ADRA1B: variants seen among roughly 807,000 people sequenced by gnomAD.
ADRA1B encodes the protein alpha-1B adrenergic receptor.
Under a neutral mutation model 17.9 loss-of-function variants are expected in ADRA1B, and 17 were observed. That is an observed-to-expected ratio of 0.95 (90% CI 0.65 to 1.42). ADRA1B has a LOEUF of 1.42. ADRA1B is among the 40% of genes most tolerant of loss of function. The probability of loss-of-function intolerance (pLI) is 0.00; values close to 1 mark genes in which losing one functional copy is unlikely to be tolerated. For missense variants in ADRA1B, 681 were observed against 722.1 expected (o/e 0.94, Z 0.65); for synonymous variants, 366 against 327.6 (o/e 1.12, Z -1.27).
chr5:159,869,649 A>G (rs986247166), intron 1 of ADRA1B: 1 of 152,228 alleles, frequency 6.6e-6, no homozygotes, highest in African/African-American at 2.4e-5. Flanking sequence ...TTTATTCAAC[A>G]TACATTAGTG....
chr5:159,892,255 T>C (rs888654711), intron 1 of ADRA1B, among the ~76,000 whole-genome samples: 5 of 152,218 alleles, frequency 3.3e-5, no homozygotes, highest in Non-Finnish European at 7.3e-5. Flanking sequence ...ACAACAGCTA[T>C]CCTTTGAAGA....
the ADRA1B span, among the ~76,000 whole-genome samples, chr5:159,982,856 G>A: frequency 6.6e-6 from 1 of 152,112 alleles, no homozygotes; most frequent in Admixed American, 6.5e-5. Context: ...GGATGGGTGG[G>A]GGCAGAAATA....
chr5:159,933,325 A>C (rs893477475), intron 1 of ADRA1B, among the ~76,000 whole-genome samples: 10 of 152,232 alleles, frequency 6.6e-5, no homozygotes, highest in Non-Finnish European at 1.3e-4. Flanking sequence ...ACTGGGATAA[A>C]GTCCACTTTG....
intron 1 of ADRA1B, among the ~76,000 whole-genome samples, chr5:159,875,028 T>C (rs1398357392): frequency 6.6e-6 from 1 of 152,142 alleles, no homozygotes; most frequent in Non-Finnish European, 1.5e-5. Context: ...AGGATGGCAA[T>C]TTCCTGGGAA....
At position 159,971,862 on chromosome 5, in the gene ADRA1B, C is replaced by T; in HGVS notation, c.950-17C>T. On this transcript the variant is annotated splice_polypyrimidine_tract_variant and intron_variant, in intron 1 of 1. Coordinates refer to ENST00000306675, the MANE Select transcript of ADRA1B (RefSeq NM_000679.4). ...TTGCTGTCTTTCTGCCCGTGCCCACCCCCCTCCCCACTGCAGGCTCCTTGT... is the reference window on the plus strand; with the variant it reads ...TTGCTGTCTTTCTGCCCGTGCCCACTCCCCTCCCCACTGCAGGCTCCTTGT... The T allele has an allele frequency of 1.2e-5, 4 of 344,942 alleles. No individual in the cohort carries two copies. Among genetic ancestry groups the T allele is most frequent in the Non-Finnish European group, 1.5e-5 (3 of 199,784 alleles). The allele number at this position is 344,942 out of a possible 1,614,324, so 21.4% of individuals were successfully genotyped here. A position where few individuals can be genotyped will look rare whatever the true frequency, so the allele number is the denominator to read the frequency against.
At chr5:159,881,405 T>C (rs1466723959) in intron 1 of ADRA1B, among the ~76,000 whole-genome samples, 1 of 151,832 alleles carries the variant, frequency 6.6e-6, no homozygotes, top group Non-Finnish European at 1.5e-5. Flanking sequence ...CTTCATTTTG[T>C]GTATCTACTA....
chr5:159,958,791 T>C (rs942092257), intron 1 of ADRA1B, among the ~76,000 whole-genome samples: 4 of 152,330 alleles, frequency 2.6e-5, no homozygotes, highest in African/African-American at 9.6e-5. Context: ...TTTATGACCC[T>C]TTATAAAGTT....
chr5:159,882,606 T>A (rs539080864), intron 1 of ADRA1B, among the ~76,000 whole-genome samples: 1 of 152,162 alleles, frequency 6.6e-6, no homozygotes, highest in Non-Finnish European at 1.5e-5. Flanking sequence ...ACCATCTGTG[T>A]CTTCCACCTG....
intron 1 of ADRA1B, among the ~76,000 whole-genome samples, chr5:159,877,880 G>A (rs996481238): frequency 3.3e-5 from 5 of 152,164 alleles, no homozygotes; most frequent in Non-Finnish European, 7.4e-5. Flanking sequence ...CTCAGTCTAG[G>A]AAGTGATGTT....
intron 1 of ADRA1B, among the ~76,000 whole-genome samples, chr5:159,908,179 G>A (rs182142488): frequency 6.6e-6 from 1 of 152,266 alleles, no homozygotes; most frequent in Admixed American, 6.5e-5. Flanking sequence ...TTTGTGTTGT[G>A]CACACAGCCC....
chr5:159,928,030 G>C (rs1180998403), intron 1 of ADRA1B, among the ~76,000 whole-genome samples: 1 of 152,148 alleles, frequency 6.6e-6, no homozygotes, highest in African/African-American at 2.4e-5. Flanking sequence ...GCTAAGATTT[G>C]AATCTATGGC....
rs76842931 is a variant in ADRA1B at position 159,889,217 on chromosome 5, A to G, written c.-256+24011A>G. Among the ~76,000 whole-genome samples, 976 of 152,246 alleles carry G rather than the reference A, an allele frequency of 6.4e-3. 9 individuals carry two copies. The highest frequency in any genetic ancestry group is 0.022 in the African/African-American group (925 of 41,540). ...GTGATGCACCTCATGGAAGGGCAAG[A>G]ATGGTGCTGAGAATAAACAGGGAAG... On this transcript the variant is annotated intron_variant, in intron 1 of 2. Transcript: ENST00000641205.
At chr5:159,950,509 A>G in intron 1 of ADRA1B, 1 of 1,511,512 alleles carries the variant, frequency 6.6e-7, no homozygotes, top group Non-Finnish European at 9.1e-7. Context: ...CTTGGAGGCT[A>G]TGTGGGCCAT....
At chr5:159,913,181 T>C (rs1191262410), upstream of ADRA1B, among the ~76,000 whole-genome samples, 1 of 152,134 alleles carries the variant, frequency 6.6e-6, no homozygotes, top group Admixed American at 6.5e-5. Flanking sequence ...TGCAATAAGA[T>C]GGATAATGAA....
intron 1 of ADRA1B, among the ~76,000 whole-genome samples, chr5:159,898,766 G>A (rs1754063255): frequency 6.6e-6 from 1 of 152,168 alleles, no homozygotes; most frequent in African/African-American, 2.4e-5. Flanking sequence ...TTGGAAGGGG[G>A]ATCCTTCTGA....
At chr5:159,901,596 G>A (rs1377991027) in intron 1 of ADRA1B, among the ~76,000 whole-genome samples, 1 of 152,130 alleles carries the variant, frequency 6.6e-6, no homozygotes, top group African/African-American at 2.4e-5. Context: ...CTTCCTGAAA[G>A]CTTCTTGAGG....
Position 159,894,804 on chromosome 5 carries a change from ATGT to A in ADRA1B, c.-255-21311_-255-21309del, listed in dbSNP as rs1276063364. 7.9e-5 allele frequency among the ~76,000 whole-genome samples: 12 copies of A among 152,252 alleles called. No homozygotes were observed. The South Asian group carries it at 2.5e-3, about 32-fold the overall frequency. On this transcript the variant is annotated intron_variant, in intron 1 of 2. Coordinates refer to the ADRA1B transcript ENST00000641205. ...TCAGCTCTCTAGCCCCAGGAAGGTG[ATGT>A]TGTCACTGTCATTTTACAGACAAGG...
chr5:159,974,177 CA>C (rs1405746898), downstream of ADRA1B, among the ~76,000 whole-genome samples: 2 of 152,170 alleles, frequency 1.3e-5, no homozygotes, highest in Non-Finnish European at 2.9e-5. Flanking sequence ...AAGTTACTCA[CA>C]GTCTCTTACT....
At chr5:159,904,666 C>G (rs1032667363) in intron 1 of ADRA1B, among the ~76,000 whole-genome samples, 8 of 152,272 alleles carry the variant, frequency 5.3e-5, no homozygotes, top group Admixed American at 5.2e-4. Flanking sequence ...TACACATTGT[C>G]TAATTTAAAT....
Sources: allele counts gnomAD v4.1 joint callset (sites outside exome capture counted in the v4.1 genomes callset), GRCh38; gene constraint gnomAD v4.1.1; transcripts MANE v1.5; gene names NCBI Gene and HGNC (gene_info 2026-07-23, HGNC 2026-07-21).